HTR2C: variants seen among roughly 807,000 people sequenced by gnomAD.
HTR2C encodes 5-hydroxytryptamine (serotonin) receptor 2C, G protein-coupled.
In HTR2C, 5 loss-of-function variants were observed where a neutral mutation model predicts 21.0. That is an observed-to-expected ratio of 0.24 (90% CI 0.12 to 0.50). The LOEUF (loss-of-function observed/expected upper bound fraction) is 0.50. Ranked by LOEUF, HTR2C falls within the 20% of genes least tolerant of loss-of-function variation. HTR2C has a pLI of 0.98. For missense variants in HTR2C, 271 were observed against 371.2 expected, an observed-to-expected ratio of 0.73 and a Z score of 2.22; for synonymous variants, 150 against 145.3, an observed-to-expected ratio of 1.03 and a Z score of -0.23.
chrX:114,711,468 T>G (rs1932890907), intron 2 of HTR2C, among the ~76,000 whole-genome samples: 1 of 111,511 alleles, frequency 9.0e-6, no homozygotes, highest in Non-Finnish European at 1.9e-5. Flanking sequence ...AATTCTTACT[T>G]AAGAAAAAAT....
At chrX:114,652,561 AAT>A in intron 2 of HTR2C, 1 of 302,950 alleles carries the variant, frequency 3.3e-6, no homozygotes, top group Admixed American at 3.8e-5. Flanking sequence ...CATTTTCTGA[AAT>A]ATTATCAAAC....
intron 4 of HTR2C, among the ~76,000 whole-genome samples, chrX:114,750,870 T>C (rs2069755203): frequency 8.9e-6 from 1 of 111,738 alleles, no homozygotes; most frequent in Non-Finnish European, 1.9e-5. Flanking sequence ...AACACCAACG[T>C]GTCCAGTTTT....
At chrX:114,822,973 TAGG>T (rs1556456857) in intron 4 of HTR2C, among the ~76,000 whole-genome samples, 1 of 111,830 alleles carries the variant, frequency 8.9e-6, no homozygotes, top group East Asian at 2.8e-4. Flanking sequence ...ATGATGCTTC[TAGG>T]CCTGTGTTTT....
chrX:114,829,871 A>G (rs980491333), intron 4 of HTR2C, among the ~76,000 whole-genome samples: 9 of 111,532 alleles, frequency 8.1e-5, no homozygotes, highest in Non-Finnish European at 3.8e-5. Flanking sequence ...TTGTTTGATT[A>G]TAATAGCTTT....
intron 2 of HTR2C, among the ~76,000 whole-genome samples, chrX:114,624,877 A>G (rs1266073747): frequency 6.3e-5 from 7 of 111,295 alleles, no homozygotes; most frequent in Admixed American, 1.9e-4. Flanking sequence ...AAATTAGGGG[A>G]AAAAAAATGA....
At chrX:114,797,944 G>A (rs1433602798) in intron 4 of HTR2C, among the ~76,000 whole-genome samples, 1 of 111,905 alleles carries the variant, frequency 8.9e-6, no homozygotes, top group Non-Finnish European at 1.9e-5. Flanking sequence ...CGTGCATGTG[G>A]TAAAATAGAG....
At chrX:114,774,106 A>G (rs782404047) in intron 4 of HTR2C, among the ~76,000 whole-genome samples, 3 of 112,420 alleles carry the variant, frequency 2.7e-5, no homozygotes, top group South Asian at 7.3e-4. Context: ...GTCATAATAT[A>G]TTAGTCCCAA....
At chrX:114,800,600 T>G (rs1337272255) in intron 4 of HTR2C, among the ~76,000 whole-genome samples, 2 of 111,503 alleles carry the variant, frequency 1.8e-5, no homozygotes, top group South Asian at 3.7e-4. Flanking sequence ...TTCTTGGCTG[T>G]CCTTATTTTT....
At chrX:114,632,788 C>G (rs1436461998) in intron 2 of HTR2C, among the ~76,000 whole-genome samples, 1 of 109,962 alleles carries the variant, frequency 9.1e-6, no homozygotes, top group African/African-American at 3.3e-5. Context: ...TTAGAGGAGG[C>G]CTCCTTAGAA....
At chrX:114,760,284 T>C (rs1202014723) in intron 4 of HTR2C, among the ~76,000 whole-genome samples, 1 of 111,576 alleles carries the variant, frequency 9.0e-6, no homozygotes, top group Non-Finnish European at 1.9e-5. Flanking sequence ...CTCCAGAAAG[T>C]TTCTATAGCC....
chrX:114,784,870 C>T (rs782119311), intron 4 of HTR2C, among the ~76,000 whole-genome samples: 4 of 111,080 alleles, frequency 3.6e-5, no homozygotes, highest in Admixed American at 2.9e-4. Flanking sequence ...CCGCCCGCCT[C>T]GGCCTCCCAA....
At chrX:114,905,325 CTTCT>C (rs1477563780) in intron 5 of HTR2C, among the ~76,000 whole-genome samples, 26 of 112,098 alleles carry the variant, frequency 2.3e-4, no homozygotes, top group Middle Eastern at 4.3e-3. Flanking sequence ...AAAACACTCT[CTTCT>C]TTCTATCTTC....
intron 2 of HTR2C, among the ~76,000 whole-genome samples, chrX:114,660,307 A>C (rs1040702545): frequency 8.9e-6 from 1 of 112,393 alleles, no homozygotes; most frequent in Non-Finnish European, 1.9e-5. Context: ...TTCCAAACAT[A>C]AAACATTTTT....
rs1198851387 is a variant in HTR2C at position 114,775,412 on chromosome X, A to C, written c.349+43805A>C. The C allele has an allele frequency of 5.7e-6, 3 of 522,885 alleles. No individual in the cohort carries two copies. The African/African-American group carries it at 6.9e-5, about 12-fold the overall frequency. The allele number at this position is 522,885 out of a possible 1,213,427, so 43.1% of individuals were successfully genotyped here. A position where few individuals can be genotyped will look rare whatever the true frequency, so the allele number is the denominator to read the frequency against. On this transcript the variant is annotated intron_variant, in intron 4 of 5. Transcript: ENST00000276198. Reference sequence around the variant, plus strand: ...GTTCAAACTTGTCAAGCAGGTTGTCATCCTTGGTCATAGCACACTCACCTT... The same window carrying C: ...GTTCAAACTTGTCAAGCAGGTTGTCCTCCTTGGTCATAGCACACTCACCTT...
intron 2 of HTR2C, among the ~76,000 whole-genome samples, chrX:114,658,923 G>A (rs1415167686): frequency 9.0e-6 from 1 of 111,500 alleles, no homozygotes; most frequent in Non-Finnish European, 1.9e-5. Flanking sequence ...TTTGGTTACT[G>A]TATTAGTTTG....
chrX:114,634,298 T>G (rs1353327999), intron 2 of HTR2C, among the ~76,000 whole-genome samples: 3 of 110,342 alleles, frequency 2.7e-5, no homozygotes, highest in African/African-American at 9.9e-5. Flanking sequence ...TCCACCATAT[T>G]TTCAATGCTA....
chrX:114,611,640 T>A (rs1569477989), intron 1 of HTR2C, among the ~76,000 whole-genome samples: 1 of 112,818 alleles, frequency 8.9e-6, no homozygotes. Flanking sequence ...TTCAAATTTA[T>A]AAATACTAAA....
chrX:114,891,555 C>G (rs1162281284), intron 5 of HTR2C, among the ~76,000 whole-genome samples: 1 of 110,142 alleles, frequency 9.1e-6, no homozygotes, highest in Non-Finnish European at 1.9e-5. Context: ...CCCATCTTTC[C>G]CTTGTGCCTA....
At chrX:114,834,210 A>G (rs1431263488) in intron 4 of HTR2C, among the ~76,000 whole-genome samples, 1 of 110,404 alleles carries the variant, frequency 9.1e-6, no homozygotes, top group African/African-American at 3.3e-5. Context: ...GTAGATGTCT[A>G]TTAGGTCCGC....
Sources: allele counts gnomAD v4.1 joint callset (sites outside exome capture counted in the v4.1 genomes callset), GRCh38; gene constraint gnomAD v4.1.1; transcripts MANE v1.5; gene names NCBI Gene and HGNC (gene_info 2026-07-23, HGNC 2026-07-21).